The following PLXNA3 variants were observed in gnomAD, a reference collection of about 807,000 sequenced individuals.
The protein encoded by PLXNA3 is plexin-A3.
PLXNA3 carries 52 observed loss-of-function variants against 118.8 expected under a neutral mutation model. The observed-to-expected ratio is 0.44, with a 90% CI of 0.35 to 0.55. The LOEUF (loss-of-function observed/expected upper bound fraction) is 0.55, where lower values mean the gene tolerates loss of function less well. Among genes scored for constraint, PLXNA3 ranks in the 20% least tolerant of loss-of-function variants. PLXNA3 has a pLI of 0.01. For missense variants in PLXNA3, 1,660 were observed against 1,730.8 expected, an observed-to-expected ratio of 0.96 and a Z score of 0.73; for synonymous variants, 925 against 762.4, an observed-to-expected ratio of 1.21 and a Z score of -3.51.
chrX:154,460,825 C>A, intron 2 of PLXNA3, 48 bp downstream of exon 2: 1 of 945,764 alleles, frequency 1.1e-6, no homozygotes, highest in East Asian at 3.1e-5. Context: ...CCTGGCTCTG[C>A]CTCCCAGAAG....
chrX:154,460,553 C>T lies in PLXNA3; in HGVS notation c.370C>T (p.Arg124Cys), dbSNP rs782602470. 5.0e-5 allele frequency: 60 copies of T among 1,208,550 alleles called. No homozygotes were observed. Among genetic ancestry groups the T allele is most frequent in the Admixed American group, 1.3e-4 (6 of 45,839 alleles). ...CTGGCAGGGCATCTGCCAGTTCCTG[C>T]GTCTGGACGACCTCTTCAAGCTGGG... is the stretch of plus-strand genomic sequence containing the variant. ...SIWQGICQFL[R>C]LDDLFKLGEP... Residue 124 changes from arginine (R) to cysteine (C), a missense_variant, in exon 2 of 33, where the codon CGT becomes TGT. By Grantham distance (180) the Arg-to-Cys change is radical. Around this residue, in one of 2 missense-constraint regions of PLXNA3, gnomAD observed 791 missense variants for 652.1 expected, o/e 1.21. Coordinates refer to ENST00000369682, the MANE Select transcript of PLXNA3 (RefSeq NM_017514.5).
chrX:154,470,708 C>A, intron 30 of PLXNA3, 97 bp downstream of exon 30: 1 of 852,219 alleles, frequency 1.2e-6, no homozygotes, highest in Non-Finnish European at 1.7e-6. Flanking sequence ...GAGTAGCATC[C>A]AGGCAGGAGG....
In PLXNA3 at chrX:154,469,963, A is replaced by G. The variant is rs782106409; in HGVS notation, c.4796-14A>G. 1.7e-6 allele frequency: 2 copies of G among 1,208,266 alleles called. No individual in the cohort carries two copies. Among genetic ancestry groups the G allele is most frequent in the Admixed American group, 4.3e-5 (2 of 46,066 alleles). ...AGGTGGTGGCCTAAGGGTCACATGC[A>G]TTCTCTGCTCCAGAGAGCTTGCTCC... is the stretch of plus-strand genomic sequence containing the variant. On this transcript the variant is annotated splice_polypyrimidine_tract_variant and intron_variant, in intron 28 of 32. Transcript: ENST00000369682.
rs1262067759 is a variant in PLXNA3 at position 154,466,222 on chromosome X, C to T, written c.2751C>T (p.Asp917=). The change falls in exon 15 of 33, where the codon GAC becomes GAT. Residue 917 remains aspartate, a synonymous_variant. Transcript: ENST00000369682. ...PPGPVELCVG[D]CSADFRTQSE... ...GGCCCGTGGAGCTGTGTGTGGGTGA[C>T]TGTTCAGCCGACTTCCGCACGCAGT... is the stretch of plus-strand genomic sequence containing the variant. The T allele has an allele frequency of 5.0e-6, 6 of 1,207,945 alleles. No individual in the cohort carries two copies. The highest frequency in any genetic ancestry group is 4.4e-5 in the Admixed American group (2 of 45,961).
Position 154,464,008 on chromosome X carries a change from G to A in PLXNA3, c.1605G>A (p.Glu535=). ...CTGCCCCACACGGCTTTGCTGAGGA[G>A]CTGAGCAAGTGTGTCCAGGTGCGGG... is the stretch of plus-strand genomic sequence containing the variant. ...GASAPHGFAE[E]LSKCVQVRVR... is the part of the protein sequence containing the mutation. Residue 535 remains glutamate, a synonymous_variant, in exon 7 of 33, where the codon GAG becomes GAA. Coordinates refer to ENST00000369682, the MANE Select transcript of PLXNA3 (RefSeq NM_017514.5). 2 of 1,207,068 alleles carry A rather than the reference G, an allele frequency of 1.7e-6. No homozygotes were observed. The highest frequency in any genetic ancestry group is 1.1e-6 in the Non-Finnish European group (1 of 893,418).
chrX:154,460,314 A>C lies in PLXNA3; in HGVS notation c.131A>C (p.Glu44Ala). The C allele has an allele frequency of 8.3e-7, 1 of 1,209,423 alleles. No homozygotes were observed. The highest frequency in any genetic ancestry group is 3.0e-5 in the East Asian group (1 of 33,800). The change falls in exon 2 of 33, where the codon GAG becomes GCG. Residue 44 changes from glutamate (E) to alanine (A), a missense_variant. By Grantham distance (107) the Glu-to-Ala change is moderately radical. This residue lies in a region of PLXNA3 where 791 missense variants were observed against 652.1 expected (regional missense o/e 1.21). Coordinates refer to ENST00000369682, the MANE Select transcript of PLXNA3 (RefSeq NM_017514.5). ...THLAVHRVTGEVFVGAVNRVF... is the reference protein window; with the variant it reads ...THLAVHRVTGAVFVGAVNRVF... ...CTGGCTGTGCACCGGGTGACTGGGG[A>C]GGTGTTCGTGGGCGCAGTGAACCGA...
At chrX:154,466,855 T>C (rs1557207352) in intron 17 of PLXNA3, 62 bp downstream of exon 17, 1 of 1,027,750 alleles carries the variant, frequency 9.7e-7, no homozygotes, top group Non-Finnish European at 1.3e-6. Context: ...CTGGGTGGTC[T>C]CTGAGCTCCG....
At chrX:154,462,436 G>C in intron 4 of PLXNA3, 126 bp downstream of exon 4, 1 of 535,682 alleles carries the variant, frequency 1.9e-6, no homozygotes, top group Non-Finnish European at 2.7e-6. Context: ...CAGGGAGGGA[G>C]ATTTCCCTGG....
chrX:154,461,162 C>G lies in PLXNA3; in HGVS notation c.658C>G (p.Pro220Ala). Reference protein sequence around the residue: ...KIPSDTLSLYPAFDIYYIYGF... With the variant: ...KIPSDTLSLYAAFDIYYIYGF... ...CCCCTCAGACACGCTGTCCTTGTAC[C>G]CTGCCTTTGACATCTACTACATCTA... The change falls in exon 3 of 33, where the codon CCT becomes GCT. Residue 220 changes from proline (P) to alanine (A), a missense_variant. Transcript: ENST00000369682. The G allele has an allele frequency of 8.3e-7, 1 of 1,210,988 alleles. No homozygotes were observed. The highest frequency in any genetic ancestry group is 3.0e-5 in the East Asian group (1 of 33,862).
At position 154,467,293 on chromosome X, in the gene PLXNA3, G is replaced by C. The variant is rs201224695; in HGVS notation, c.3263G>C (p.Arg1088Pro). Reference protein sequence around the residue: ...LCKAPGIFLGRPQPRAQGEHP... With the variant: ...LCKAPGIFLGPPQPRAQGEHP... Reference sequence around the variant, plus strand: ...AAGGCCCCCGGCATCTTTCTTGGGCGGCCCCAGCCTCGGGCGCAAGGCGAG... The same window carrying C: ...AAGGCCCCCGGCATCTTTCTTGGGCCGCCCCAGCCTCGGGCGCAAGGCGAG... Residue 1088 changes from arginine to proline, a missense_variant, in exon 19 of 33, where the codon CGG becomes CCG. By Grantham distance (103) the Arg-to-Pro change is moderately radical. This residue lies in a region of PLXNA3 where 869 missense variants were observed against 1,078.7 expected (regional missense o/e 0.81). Transcript: ENST00000369682. The C allele has an allele frequency of 8.3e-7, 1 of 1,208,857 alleles. No homozygotes were observed. Among genetic ancestry groups the C allele is most frequent in the Non-Finnish European group, 1.1e-6 (1 of 895,252 alleles).
rs1557208935 is a variant in PLXNA3 at position 154,470,114 on chromosome X, C to T, written c.4933C>T (p.Arg1645Cys). Residue 1645 changes from arginine (R) to cysteine (C), a missense_variant, in exon 29 of 33, where the codon CGT becomes TGT. Arg to Cys is a radical substitution (Grantham distance 180). Around this residue, in one of 2 missense-constraint regions of PLXNA3, gnomAD observed 869 missense variants for 1,078.7 expected, o/e 0.81. Transcript: ENST00000369682. ...HDHADHREGD[R>C]GSKMVSEIYL... Reference sequence around the variant, plus strand: ...CCATGCCGACCATCGCGAGGGGGACCGTGGCAGCAAGATGGTCTCCGAGAT... The same window carrying T: ...CCATGCCGACCATCGCGAGGGGGACTGTGGCAGCAAGATGGTCTCCGAGAT... 11 of 1,206,394 alleles carry T rather than the reference C, an allele frequency of 9.1e-6. No homozygotes were observed. Among genetic ancestry groups the T allele is most frequent in the Admixed American group, 2.2e-5 (1 of 45,750 alleles).
In PLXNA3 at chrX:154,468,509, C is replaced by T; in HGVS notation, c.4170C>T (p.Leu1390=). 1 of 1,211,192 alleles carries T rather than the reference C, an allele frequency of 8.3e-7. No individual in the cohort carries two copies. Among genetic ancestry groups the T allele is most frequent in the Non-Finnish European group, 1.1e-6 (1 of 895,469 alleles). ...TGCTCAAGCAACTGCTGGCCGACCT[C>T]ATCGAGAAGAACCTCGAGAGCAAGA... The part of the protein sequence containing the change: ...TGLLKQLLAD[L]IEKNLESKNH... The change falls in exon 23 of 33, where the codon CTC becomes CTT. Residue 1390 remains leucine, a synonymous_variant. Coordinates refer to ENST00000369682, the MANE Select transcript of PLXNA3 (RefSeq NM_017514.5).
chrX:154,460,174 G>A lies in PLXNA3; in HGVS notation c.-10G>A. 8.5e-7 allele frequency: 1 copy of A among 1,173,939 alleles called. No homozygotes were observed. ...CTCCCTAGGCCTGTCCCCAGGCGCG[G>A]CTGCCGGCCATGCCCTCTGTCTGCC... On this transcript the variant is annotated 5_prime_UTR_variant, in exon 2 of 33. Transcript: ENST00000369682.
At position 154,470,529 on chromosome X, in the gene PLXNA3, T is replaced by A. The variant is rs1020691122; in HGVS notation, c.5074T>A (p.Tyr1692Asn). 1 of 1,211,269 alleles carries A rather than the reference T, an allele frequency of 8.3e-7. No homozygotes were observed. The highest frequency in any genetic ancestry group is 3.0e-5 in the East Asian group (1 of 33,871). Residue 1692 changes from tyrosine to asparagine, a missense_variant, in exon 30 of 33, where the codon TAC (tyrosine) becomes AAC (asparagine). Coordinates refer to ENST00000369682, the MANE Select transcript of PLXNA3 (RefSeq NM_017514.5). ...RGSALPLAIK[Y>N]MFDFLDEQAD... ...CTCGGCCCTGCCCCTGGCCATCAAG[T>A]ACATGTTCGACTTCCTGGATGAGCA...
In PLXNA3 at chrX:154,464,253, G is replaced by A. The variant is rs376154383; in HGVS notation, c.1768G>A (p.Gly590Ser). 6.4e-5 allele frequency: 77 copies of A among 1,207,235 alleles called. No homozygotes were observed. Among genetic ancestry groups the A allele is most frequent in the East Asian group, 2.4e-4 (8 of 33,730 alleles). Residue 590 changes from glycine (G) to serine (S), a missense_variant, in exon 8 of 33, where the codon GGT becomes AGT. Transcript: ENST00000369682. ...GAACGAGGCGGTCCTGCTGCCCTCC[G>A]GTGAACTGCTCTGCCCCTCACCCTC... ...AENEAVLLPS[G>S]ELLCPSPSLQ...
intron 29 of PLXNA3, 58 bp downstream of exon 29, chrX:154,470,225 G>C: frequency 1.4e-5 from 16 of 1,111,880 alleles, no homozygotes; most frequent in Non-Finnish European, 1.6e-5. Flanking sequence ...CGGCCTTACA[G>C]GGGAGGGGCC....
rs937511200 is a variant in PLXNA3, at chrX:154,460,372, G to A, written c.189G>A (p.Leu63=). Residue 63 remains leucine (L), a synonymous_variant, in exon 2 of 33, where the codon CTG becomes CTA. Transcript: ENST00000369682. ...AGCTGGCCCCCAACCTGACTGAGCT[G>A]CGGGCCCATGTCACGGGGCCCGTCG... ...VFKLAPNLTE[L]RAHVTGPVED... 8.3e-7 allele frequency: 1 copy of A among 1,209,967 alleles called. No individual in the cohort carries two copies. Among genetic ancestry groups the A allele is most frequent in the East Asian group, 3.0e-5 (1 of 33,840 alleles).
chrX:154,463,399 C>T lies in PLXNA3; in HGVS notation c.1326C>T (p.Val442=), dbSNP rs782430570. ...CTGGTCTTGTGGCTCAGGTGCGGGT[C>T]GATGGCTTCCAGGATGCCCACCTGT... ...TRSGSLKKVR[V]DGFQDAHLYE... Residue 442 remains valine (V), a synonymous_variant, in exon 5 of 33, where the codon GTC becomes GTT. Coordinates refer to ENST00000369682, the MANE Select transcript of PLXNA3 (RefSeq NM_017514.5). 1.6e-5 allele frequency: 19 copies of T among 1,208,091 alleles called. No homozygotes were observed. Among genetic ancestry groups the T allele is most frequent in the Admixed American group, 2.2e-5 (1 of 45,691 alleles).
rs782365832 is a variant in PLXNA3, at chrX:154,467,501, G to A, written c.3441+30G>A. 7.8e-6 allele frequency: 9 copies of A among 1,149,439 alleles called. 1 individual carries two copies. Among genetic ancestry groups the A allele is most frequent in the South Asian group, 3.9e-5 (2 of 51,507 alleles). 94.7% of individuals were successfully genotyped at this position (1,149,439 alleles called of 1,213,427 possible). On this transcript the variant is annotated intron_variant, in intron 19 of 32. Transcript: ENST00000369682. ...GGGCGGGGTGGGGGCGGGGAGGGGC[G>A]GGAAAGTGGAGAGTCCTGGGCTGAA... is the stretch of plus-strand genomic sequence containing the variant.
Sources: gnomAD v4.1 joint callset for allele counts on GRCh38, gnomAD v4.1.1 for gene constraint, gnomAD v4.1.1 regional missense constraint, MANE v1.5 for transcripts, NCBI Gene and HGNC (gene_info 2026-07-23, HGNC 2026-07-21) for gene names.